The following CDH13 variants were observed in gnomAD, a reference collection of about 807,000 sequenced individuals.
CDH13 encodes cadherin-13.
Under a neutral mutation model 63.8 loss-of-function variants are expected in CDH13, and 24 were observed. That is an observed-to-expected ratio of 0.38 (90% CI 0.27 to 0.53). The LOEUF is 0.53. CDH13 is among the 20% of genes least tolerant of loss of function. The pLI is 0.85. For missense variants in CDH13, 1,049 were observed against 903.1 expected (o/e 1.16, Z -2.07); for synonymous variants, 503 against 355.3 (o/e 1.42, Z -4.67).
chr16:83,488,873 C>T (rs2073950884), intron 7 of CDH13, among the ~76,000 whole-genome samples: 1 of 152,198 alleles, frequency 6.6e-6, no homozygotes, highest in South Asian at 2.1e-4. Context: ...GATCTGCCCA[C>T]CTCGGCCTCC....
At chr16:82,772,413 G>A (rs1245266902) in intron 1 of CDH13, among the ~76,000 whole-genome samples, 1 of 152,136 alleles carries the variant, frequency 6.6e-6, no homozygotes, top group Non-Finnish European at 1.5e-5. Flanking sequence ...CTGCAATATG[G>A]TAGGAAACCT....
intron 2 of CDH13, among the ~76,000 whole-genome samples, chr16:82,983,694 T>G (rs146621171): frequency 7.2e-4 from 110 of 152,212 alleles, no homozygotes; most frequent in African/African-American, 2.5e-3. Context: ...AGTTCAGGGG[T>G]GTGTGTATGA....
intron 7 of CDH13, among the ~76,000 whole-genome samples, chr16:83,534,934 A>G (rs1341276896): frequency 6.6e-6 from 1 of 152,266 alleles, no homozygotes; most frequent in Non-Finnish European, 1.5e-5. Flanking sequence ...AATGTCTAGG[A>G]CAATTTTATA....
intron 2 of CDH13, among the ~76,000 whole-genome samples, chr16:82,963,106 C>T (rs982654418): frequency 4.0e-5 from 6 of 151,488 alleles, no homozygotes; most frequent in Non-Finnish European, 8.8e-5. Flanking sequence ...TGTGGTGGCT[C>T]ACACCTGTAA....
chr16:83,126,377 T>C (rs541778463), intron 4 of CDH13, among the ~76,000 whole-genome samples: 1 of 152,288 alleles, frequency 6.6e-6, no homozygotes, highest in Non-Finnish European at 1.5e-5. Flanking sequence ...CTGTTTAAAA[T>C]TGAATATGGC....
At chr16:83,243,873 T>G (rs1567533997) in intron 5 of CDH13, among the ~76,000 whole-genome samples, 1 of 152,224 alleles carries the variant, frequency 6.6e-6, no homozygotes. Flanking sequence ...TTTATCCAGA[T>G]GGCTTAGATT....
intron 6 of CDH13, among the ~76,000 whole-genome samples, chr16:83,363,298 T>A (rs1158125904): frequency 6.6e-6 from 1 of 152,210 alleles, no homozygotes; most frequent in Non-Finnish European, 1.5e-5. Flanking sequence ...GGACTTTCCT[T>A]TGTGGCTCCA....
intron 1 of CDH13, among the ~76,000 whole-genome samples, chr16:82,699,515 G>A (rs1340336161): frequency 6.6e-6 from 1 of 152,164 alleles, no homozygotes; most frequent in Non-Finnish European, 1.5e-5. Flanking sequence ...TCATTAACAT[G>A]GCCACCCTTA....
At chr16:83,686,703 G>A (rs1904337408) in intron 10 of CDH13, among the ~76,000 whole-genome samples, 1 of 152,170 alleles carries the variant, frequency 6.6e-6, no homozygotes, top group African/African-American at 2.4e-5. Flanking sequence ...GGAAAAAAAT[G>A]TATTTTTAGT....
At chr16:83,167,884 T>C (rs1422221753) in intron 4 of CDH13, among the ~76,000 whole-genome samples, 1 of 151,828 alleles carries the variant, frequency 6.6e-6, no homozygotes, top group African/African-American at 2.4e-5. Flanking sequence ...AAAAATAAAA[T>C]CACAAGCTTT....
At chr16:83,559,576 A>AAG (rs869206348) in intron 7 of CDH13, among the ~76,000 whole-genome samples, 24 of 94,204 alleles carry the variant, frequency 2.5e-4, no homozygotes, top group Non-Finnish European at 8.2e-5. Flanking sequence ...TATAAAAAGA[A>AAG]AGAGAGAGAG....
intron 10 of CDH13, among the ~76,000 whole-genome samples, chr16:83,741,192 A>G (rs1912023495): frequency 6.6e-6 from 1 of 152,170 alleles, no homozygotes; most frequent in South Asian, 2.1e-4. Context: ...TATGCCCTTT[A>G]CTTTACACTC....
At chr16:83,372,672 A>C (rs955382556) in intron 6 of CDH13, among the ~76,000 whole-genome samples, 2 of 150,360 alleles carry the variant, frequency 1.3e-5, no homozygotes, top group African/African-American at 4.9e-5. Flanking sequence ...GAATGGCTTG[A>C]ATCCGGGAGG....
intron 10 of CDH13, among the ~76,000 whole-genome samples, chr16:83,746,533 G>T (rs746389911): frequency 4.6e-5 from 7 of 152,242 alleles, no homozygotes; most frequent in African/African-American, 1.7e-4. Context: ...TCTTTTTCCC[G>T]TGAAGACTCG....
At chr16:83,609,314 G>A (rs528341161) in intron 8 of CDH13, among the ~76,000 whole-genome samples, 1 of 152,062 alleles carries the variant, frequency 6.6e-6, no homozygotes, top group African/African-American at 2.4e-5. Context: ...TTCCAGTATG[G>A]CCCAGGGAAG....
chr16:82,801,351 C>T (rs890094208), intron 1 of CDH13, among the ~76,000 whole-genome samples: 3 of 152,170 alleles, frequency 2.0e-5, no homozygotes, highest in Non-Finnish European at 2.9e-5. Flanking sequence ...TGATGCTCCT[C>T]GAGGGACCTC....
intron 2 of CDH13, among the ~76,000 whole-genome samples, chr16:82,972,740 C>G (rs1352029367): frequency 6.6e-6 from 1 of 152,166 alleles, no homozygotes; most frequent in Non-Finnish European, 1.5e-5. Context: ...GGTATGATAA[C>G]TGAACTGGTT....
At chr16:83,210,872 G>C (rs913631054) in intron 4 of CDH13, among the ~76,000 whole-genome samples, 5 of 151,524 alleles carry the variant, frequency 3.3e-5, no homozygotes, top group South Asian at 2.1e-4. Context: ...ACTAGAGGCC[G>C]GGCGTGGTGG....
intron 3 of CDH13, among the ~76,000 whole-genome samples, chr16:83,103,243 CTTTTTTTTTT>C (rs35812420): frequency 1.1e-5 from 1 of 91,230 alleles, no homozygotes; most frequent in Non-Finnish European, 2.1e-5. Flanking sequence ...GTTAACTGAA[CTTTTTTTTTT>C]TTTTTTTTTT....
Sources: gnomAD v4.1 joint callset for allele counts (sites outside exome capture counted in the v4.1 genomes callset) on GRCh38, gnomAD v4.1.1 for gene constraint, MANE v1.5 for transcripts, NCBI Gene and HGNC (gene_info 2026-07-23, HGNC 2026-07-21) for gene names.